Variants in TMEM184B observed in about 807,000 individuals in gnomAD.
The protein encoded by TMEM184B is putative MAPK-activating protein FM08.
A neutral mutation model predicts 41.8 loss-of-function variants in TMEM184B; 17 were observed. The ratio of observed to expected loss-of-function variants is 0.41; its 90% CI spans 0.28 to 0.61. The LOEUF (loss-of-function observed/expected upper bound fraction) is 0.61, where lower values mean the gene tolerates loss of function less well. Ranked by LOEUF, TMEM184B falls within the 20% of genes least tolerant of loss-of-function variation. The pLI is 0.34. For synonymous variants in TMEM184B, 240 were observed against 229.5 expected, an observed-to-expected ratio of 1.05 and a Z score of -0.41; for missense variants, 393 against 557.8, an observed-to-expected ratio of 0.70 and a Z score of 2.98.
Position 38,230,649 on chromosome 22 carries a change from C to G in TMEM184B, c.525+20G>C, listed in dbSNP as rs762295428. ...CCCGCCCTGCTCCTCCTGAGCTAGG[C>G]AGCTGCTGGGGGCACACACCTGTTT... On this transcript the variant is annotated intron_variant, in intron 5 of 8. Coordinates refer to ENST00000361906, the MANE Select transcript of TMEM184B (RefSeq NM_012264.5). The G allele has an allele frequency of 6.2e-7, 1 of 1,603,422 alleles. No homozygotes were observed. Among genetic ancestry groups the G allele is most frequent in the South Asian group, 1.1e-5 (1 of 89,094 alleles).
downstream of TMEM184B, among the ~76,000 whole-genome samples, chr22:38,218,336 T>C (rs2146032362): frequency 6.6e-6 from 1 of 152,344 alleles, no homozygotes; most frequent in East Asian, 1.9e-4. Flanking sequence ...TGTCTGTTCT[T>C]AGCTGTGGGA....
rs577658900 is a variant in TMEM184B at position 38,256,540 on chromosome 22, T to C, written c.-58-8521A>G. On this transcript the variant is annotated intron_variant, in intron 1 of 8. Coordinates refer to ENST00000361906, the MANE Select transcript of TMEM184B (RefSeq NM_012264.5). Reference sequence around the variant, plus strand: ...CACCATGCCCGGCCAACAATCCTTATTGATTGCTTTTCCACAAGATAACCA... The same window carrying C: ...CACCATGCCCGGCCAACAATCCTTACTGATTGCTTTTCCACAAGATAACCA... Among the ~76,000 whole-genome samples the C allele has an allele frequency of 3.9e-5, 6 of 152,304 alleles. No homozygotes were observed. The South Asian group carries it at 8.3e-4, about 21-fold the overall frequency.
intron 3 of TMEM184B, among the ~76,000 whole-genome samples, chr22:38,238,093 C>A (rs571601797): frequency 3.9e-5 from 6 of 152,112 alleles, no homozygotes; most frequent in African/African-American, 1.4e-4. Context: ...AGCCACTGCG[C>A]CCAGCCCCCT....
chr22:38,226,966 G>A lies in TMEM184B; in HGVS notation c.526-96C>T. The A allele has an allele frequency of 2.4e-6, 3 of 1,265,968 alleles. No homozygotes were observed. Among genetic ancestry groups the A allele is most frequent in the Admixed American group, 2.0e-5 (1 of 49,388 alleles). The allele number at this position is 1,265,968 out of a possible 1,614,324, so 78.4% of individuals were successfully genotyped here. ...CAGACGGAACTGTACCGGATGGAGGGACAGAGAGGATGAAGGAGACGGAGA... is the reference window on the plus strand; with the variant it reads ...CAGACGGAACTGTACCGGATGGAGGAACAGAGAGGATGAAGGAGACGGAGA... On this transcript the variant is annotated intron_variant, in intron 5 of 8. Transcript: ENST00000361906. This position sits in a 1 kb window ranked among gnomAD's most constrained non-coding sequence, Gnocchi z 4.6.
chr22:38,243,006 G>T (rs1166295508), intron 3 of TMEM184B, among the ~76,000 whole-genome samples: 1 of 147,822 alleles, frequency 6.8e-6, no homozygotes, highest in Non-Finnish European at 1.5e-5. Context: ...AGAATGCAGT[G>T]AGCTGAGATT....
downstream of TMEM184B, among the ~76,000 whole-genome samples, chr22:38,217,574 G>A (rs1247472418): frequency 5.3e-5 from 8 of 152,186 alleles, no homozygotes; most frequent in Non-Finnish European, 7.4e-5. Context: ...GCCGGGAGGC[G>A]GAGCTTGCAG....
rs34060428 is a variant in TMEM184B at position 38,241,883 on chromosome 22, C to CAAAAAA, written c.358+4046_358+4051dup. On this transcript the variant is annotated intron_variant, in intron 3 of 8. Coordinates refer to ENST00000361906, the MANE Select transcript of TMEM184B (RefSeq NM_012264.5). ...TGGGTGACAGAGCGAGACTCCGTCT[C>CAAAAAA]AAAAAAAAAAAAAAAAAAAAAAAAG... Among the ~76,000 whole-genome samples the CAAAAAA allele has an allele frequency of 7.4e-3, 240 of 32,578 alleles. 22 individuals are homozygous for CAAAAAA. Among genetic ancestry groups the CAAAAAA allele is most frequent in the African/African-American group, 0.021 (228 of 10,726 alleles). The allele number at this position is 32,578 out of a possible 152,430, so 21.4% of individuals were successfully genotyped here.
chr22:38,221,544 G>A lies in TMEM184B; in HGVS notation c.1149C>T (p.Leu383=), dbSNP rs1307858590. ...GPTWRGGAHG[L]SRSHSLSGAR... The stretch of plus-strand genomic sequence containing the variant: ...CGCCACTGAGGCTGTGGGAGCGGGA[G>A]AGGCCGTGGGCGCCACCACGCCAGG... Residue 383 remains leucine (L), a synonymous_variant, in exon 9 of 9, where the codon CTC becomes CTT. Coordinates refer to ENST00000361906, the MANE Select transcript of TMEM184B (RefSeq NM_012264.5). 3 of 1,613,908 alleles carry A rather than the reference G, an allele frequency of 1.9e-6. No individual in the cohort carries two copies. Among genetic ancestry groups the A allele is most frequent in the Non-Finnish European group, 2.5e-6 (3 of 1,179,970 alleles).
intron 3 of TMEM184B, among the ~76,000 whole-genome samples, chr22:38,234,787 A>G: frequency 6.6e-6 from 1 of 152,196 alleles, no homozygotes; most frequent in East Asian, 1.9e-4. Flanking sequence ...TAAGTAAGGT[A>G]AAGAGCCATG....
chr22:38,231,716 T>C (rs1602390774), intron 3 of TMEM184B: 2 of 382,488 alleles, frequency 5.2e-6, no homozygotes, highest in African/African-American at 4.2e-5. Context: ...CCTTTATTAG[T>C]TTTTCCGGGC....
At position 38,225,502 on chromosome 22, in the gene TMEM184B, G is replaced by A. The variant is rs370041072; in HGVS notation, c.709C>T (p.Arg237Trp). Residue 237 changes from arginine to tryptophan, a missense_variant, in exon 7 of 9, where the codon CGG (arginine) becomes TGG (tryptophan). By Grantham distance (101) the Arg-to-Trp change is moderately radical. This residue lies in a region of TMEM184B where 271 missense variants were observed against 434.1 expected (regional missense o/e 0.62). Coordinates refer to ENST00000361906, the MANE Select transcript of TMEM184B (RefSeq NM_012264.5). The surrounding 1 kb of genome is among the most constrained non-coding windows in gnomAD (Gnocchi z 4.4). ...GGGCTGTAGGGGCTGAGCAGCTCCC[G>A]GGTGGCGAAGTAGAAGAGGAAGAGG... ...YALFLFYFAT[R>W]ELLSPYSPVL... is the part of the protein sequence containing the mutation. The A allele has an allele frequency of 1.3e-5, 20 of 1,598,422 alleles. No individual in the cohort carries two copies. The highest frequency in any genetic ancestry group is 1.7e-4 in the Middle Eastern group (1 of 6,026).
rs987869520 is a variant in TMEM184B, at chr22:38,219,932, CGGCTG to C, written c.*1532_*1536del. On this transcript the variant is annotated 3_prime_UTR_variant, in exon 9 of 9. Transcript: ENST00000361906. ...GAGGAAAGGAAGGAGGCCAGGAAGA[CGGCTG>C]GGCCCCAACTCTCCTCACAGGTGGC... is the stretch of plus-strand genomic sequence containing the variant. 7.1e-6 allele frequency: 7 copies of C among 985,240 alleles called. No individual in the cohort carries two copies. The highest frequency in any genetic ancestry group is 1.7e-5 in the African/African-American group (1 of 57,180). 61.0% of individuals were successfully genotyped at this position (985,240 alleles called of 1,614,324 possible). A position where few individuals can be genotyped will look rare whatever the true frequency, so the allele number is the denominator to read the frequency against.
downstream of TMEM184B, among the ~76,000 whole-genome samples, chr22:38,217,782 G>C (rs985961188): frequency 6.9e-6 from 1 of 145,372 alleles, no homozygotes; most frequent in Non-Finnish European, 1.5e-5. Flanking sequence ...AGTAAGCTGA[G>C]ATCGCGCCAC....
chr22:38,258,387 G>A (rs925581894), intron 1 of TMEM184B, among the ~76,000 whole-genome samples: 4 of 148,130 alleles, frequency 2.7e-5, no homozygotes, highest in South Asian at 4.3e-4. Flanking sequence ...TGCAACCTCC[G>A]CCTCCCAGGT....
intron 3 of TMEM184B, chr22:38,232,180 T>C (rs918800327): frequency 6.5e-6 from 1 of 153,216 alleles, no homozygotes; most frequent in African/African-American, 2.4e-5. Flanking sequence ...CACAGCACTA[T>C]GAGCTACAAC....
At chr22:38,217,857 A>G (rs111811084), downstream of TMEM184B, among the ~76,000 whole-genome samples, 65 of 136,738 alleles carry the variant, frequency 4.8e-4, no homozygotes, top group African/African-American at 2.3e-3. Flanking sequence ...AGAAAAGAAA[A>G]GAAAAGAAAA....
chr22:38,226,881 GA>G lies in TMEM184B; in HGVS notation c.526-12del. 1.3e-6 allele frequency: 2 copies of G among 1,577,192 alleles called. No homozygotes were observed. The highest frequency in any genetic ancestry group is 1.4e-5 in the African/African-American group (1 of 73,410). On this transcript the variant is annotated splice_polypyrimidine_tract_variant and intron_variant, in intron 5 of 8. Coordinates refer to ENST00000361906, the MANE Select transcript of TMEM184B (RefSeq NM_012264.5). The surrounding 1 kb of genome is among the most constrained non-coding windows in gnomAD (Gnocchi z 4.6). ...GAACTGCAGGGTGGCCTGTTGGGGGGAAAAGGAGGTTGAGTGTGGAGGAGGA... is the reference window on the plus strand; with the variant it reads ...GAACTGCAGGGTGGCCTGTTGGGGGGAAAGGAGGTTGAGTGTGGAGGAGGA...
chr22:38,246,834 G>C, intron 2 of TMEM184B: 1 of 1,301,528 alleles, frequency 7.7e-7, no homozygotes, highest in Non-Finnish European at 1.0e-6. Context: ...CAGCCCCTGG[G>C]TGTCTCGTCC....
In TMEM184B at chr22:38,243,910, G is replaced by A. The variant is rs1387460659; in HGVS notation, c.358+2025C>T. ...AGATGGAACACGAAGCAAGGGAGCT[G>A]CAGACTGTGGTGGGGCCGAGGACCT... On this transcript the variant is annotated intron_variant, in intron 3 of 8. Coordinates refer to ENST00000361906, the MANE Select transcript of TMEM184B (RefSeq NM_012264.5). Among the ~76,000 whole-genome samples, 3 of 152,184 alleles carry A rather than the reference G, an allele frequency of 2.0e-5. No homozygotes were observed. In the East Asian group the frequency reaches 5.8e-4, roughly 29 times the overall value.
Sources: gnomAD v4.1 joint callset for allele counts (sites outside exome capture counted in the v4.1 genomes callset) on GRCh38, gnomAD v4.1.1 for gene constraint, gnomAD v4.1.1 regional missense constraint, Gnocchi (gnomAD v3.1) non-coding constraint, MANE v1.5 for transcripts, NCBI Gene and HGNC (gene_info 2026-07-23, HGNC 2026-07-21) for gene names.